The following ZNF362 variants were observed in gnomAD, a reference collection of about 807,000 sequenced individuals.
The protein encoded by ZNF362 is rotund homolog.
In ZNF362, 11 loss-of-function variants were observed where a neutral mutation model predicts 42.9. The ratio of observed to expected loss-of-function variants is 0.26; its 90% CI spans 0.16 to 0.42. The LOEUF (loss-of-function observed/expected upper bound fraction) is 0.42. Ranked by LOEUF, ZNF362 falls within the 20% of genes least tolerant of loss-of-function variation. The probability of loss-of-function intolerance (pLI) is 1.00; values close to 1 mark genes in which losing one functional copy is unlikely to be tolerated. For synonymous variants in ZNF362, 255 were observed against 257.3 expected (o/e 0.99, Z 0.09); for missense variants, 362 against 576.2 (o/e 0.63, Z 3.81).
intron 6 of ZNF362, among the ~76,000 whole-genome samples, chr1:33,284,855 T>C (rs1039710407): frequency 6.6e-6 from 1 of 152,220 alleles, no homozygotes; most frequent in Admixed American, 6.5e-5. Flanking sequence ...TTCAAAGTTA[T>C]CTACTTCTGG....
the ZNF362 span, chr1:33,147,454 C>CGGCTG: frequency 6.2e-7 from 1 of 1,613,894 alleles, no homozygotes; most frequent in Non-Finnish European, 8.5e-7. The surrounding 1 kb of genome is among the most constrained non-coding windows in gnomAD (Gnocchi z 8.1). Flanking sequence ...GTAGAAGCCG[C>CGGCTG]GGCTGGGCTG....
the ZNF362 span, chr1:33,159,668 C>G: frequency 4.4e-6 from 7 of 1,592,052 alleles, no homozygotes; most frequent in Non-Finnish European, 6.0e-6. This position sits in a 1 kb window ranked among gnomAD's most constrained non-coding sequence, Gnocchi z 4.2. Flanking sequence ...CCGGGGAGGG[C>G]CCCGGCGGGT....
the ZNF362 span, among the ~76,000 whole-genome samples, chr1:33,225,318 T>C: frequency 1.3e-5 from 2 of 152,190 alleles, no homozygotes; most frequent in Non-Finnish European, 2.9e-5. Flanking sequence ...AAATTATTTT[T>C]CTTTATGCAT....
chr1:33,177,483 G>A, the ZNF362 span, among the ~76,000 whole-genome samples: 3 of 152,162 alleles, frequency 2.0e-5, no homozygotes, highest in Non-Finnish European at 4.4e-5. This position sits in a 1 kb window ranked among gnomAD's most constrained non-coding sequence, Gnocchi z 4.1. Flanking sequence ...CCCCTGTGAT[G>A]TAATCTGGAG....
the ZNF362 span, among the ~76,000 whole-genome samples, chr1:33,174,735 G>A: frequency 6.6e-6 from 1 of 152,014 alleles, no homozygotes; most frequent in Non-Finnish European, 1.5e-5. Flanking sequence ...TATCTTTTAG[G>A]ATTCAGCTCA....
chr1:33,135,944 A>G, the ZNF362 span, among the ~76,000 whole-genome samples: 138 of 110,104 alleles, frequency 1.3e-3, no homozygotes, highest in African/African-American at 4.7e-3. Flanking sequence ...CTCCCTCCCC[A>G]CCCTGCCGGT....
the ZNF362 span, among the ~76,000 whole-genome samples, chr1:33,243,111 A>ATGT: frequency 9.7e-6 from 1 of 103,198 alleles, no homozygotes; most frequent in African/African-American, 3.6e-5. Context: ...AACTGTTATT[A>ATGT]TGTTATGTTA....
the ZNF362 span, among the ~76,000 whole-genome samples, chr1:33,143,449 G>T: frequency 6.6e-6 from 1 of 152,290 alleles, no homozygotes; most frequent in Non-Finnish European, 1.5e-5. Flanking sequence ...GGATCTGAGA[G>T]GATGGGGGAG....
At chr1:33,157,039 G>A in the ZNF362 span, among the ~76,000 whole-genome samples, 68 of 147,892 alleles carry the variant, frequency 4.6e-4, no homozygotes, top group Admixed American at 1.2e-3. Context: ...CACCCCCTTC[G>A]GTCTATTCTC....
intron 6 of ZNF362, among the ~76,000 whole-genome samples, chr1:33,291,288 G>T (rs1386110341): frequency 6.6e-6 from 1 of 152,172 alleles, no homozygotes; most frequent in East Asian, 1.9e-4. Context: ...CATATGGCTA[G>T]CCAGTTTTCC....
intron 6 of ZNF362, among the ~76,000 whole-genome samples, chr1:33,282,197 C>T (rs1289467472): frequency 6.6e-6 from 1 of 152,214 alleles, no homozygotes; most frequent in Non-Finnish European, 1.5e-5. Context: ...CAGTGGTAGG[C>T]TGTCACGCCC....
intron 6 of ZNF362, among the ~76,000 whole-genome samples, chr1:33,284,703 C>T (rs190297918): frequency 6.6e-6 from 1 of 151,672 alleles, no homozygotes; most frequent in East Asian, 2.0e-4. Flanking sequence ...TTATTGAATA[C>T]AGCCTCCTAA....
At chr1:33,217,425 C>T in the ZNF362 span, among the ~76,000 whole-genome samples, 2 of 152,280 alleles carry the variant, frequency 1.3e-5, no homozygotes, top group East Asian at 3.9e-4. Flanking sequence ...AGGCGTTTTC[C>T]TCTCTGACCA....
At chr1:33,174,406 A>T in the ZNF362 span, among the ~76,000 whole-genome samples, 1 of 152,062 alleles carries the variant, frequency 6.6e-6, no homozygotes. Flanking sequence ...CTGGTCTCGA[A>T]CTTCTGGGCT....
chr1:33,242,604 C>T, the ZNF362 span, among the ~76,000 whole-genome samples: 12 of 152,124 alleles, frequency 7.9e-5, no homozygotes, highest in Non-Finnish European at 7.4e-5. Context: ...AAGAAAGACA[C>T]GGAAAACCAG....
the ZNF362 span, among the ~76,000 whole-genome samples, chr1:33,185,907 A>G: frequency 6.6e-6 from 1 of 152,208 alleles, no homozygotes. Context: ...ATTCTATAGA[A>G]CTATATTCTA....
chr1:33,282,653 C>T (rs1007623073), intron 6 of ZNF362, among the ~76,000 whole-genome samples: 2 of 152,080 alleles, frequency 1.3e-5, no homozygotes, highest in Non-Finnish European at 2.9e-5. Context: ...GAAACCCCAT[C>T]TCTACTAAAA....
chr1:33,148,979 CT>C, the ZNF362 span, among the ~76,000 whole-genome samples: 2 of 152,160 alleles, frequency 1.3e-5, no homozygotes, highest in African/African-American at 4.8e-5. Context: ...CTTCTGCCCC[CT>C]ACCCCACTTA....
chr1:33,175,031 T>TATGTATATTTATATGTATATGTA, the ZNF362 span, among the ~76,000 whole-genome samples: 1 of 147,102 alleles, frequency 6.8e-6, no homozygotes, highest in African/African-American at 2.6e-5. Flanking sequence ...ATGTATATGT[T>TATGTATATTTATATGTATATGTA]TATGTATATG....
Sources: allele counts gnomAD v4.1 joint callset (sites outside exome capture counted in the v4.1 genomes callset), GRCh38; gene constraint gnomAD v4.1.1; non-coding constraint Gnocchi (gnomAD v3.1); transcripts MANE v1.5; gene names NCBI Gene and HGNC (gene_info 2026-07-23, HGNC 2026-07-21).